CC2D2A: variants seen among roughly 807,000 people sequenced by gnomAD.
The protein encoded by CC2D2A is coiled-coil and C2 domain-containing protein 2A.
In CC2D2A, 155 loss-of-function variants were observed where a neutral mutation model predicts 212.9. That is an observed-to-expected ratio of 0.73 (90% CI 0.64 to 0.83). The LOEUF is 0.83. Among genes scored for constraint, CC2D2A ranks in the 40% least tolerant of loss-of-function variants. The pLI is 0.00. For synonymous variants in CC2D2A, 667 were observed against 686.5 expected, an observed-to-expected ratio of 0.97 and a Z score of 0.44; for missense variants, 1,856 against 1,956.2, an observed-to-expected ratio of 0.95 and a Z score of 0.97.
intron 16 of CC2D2A, 135 bp downstream of exon 16, chr4:15,538,272 C>A: frequency 2.0e-6 from 2 of 975,772 alleles, no homozygotes; most frequent in Non-Finnish European, 1.4e-6. Flanking sequence ...ATCATTAACT[C>A]TAAATGAATA....
intron 6 of CC2D2A, among the ~76,000 whole-genome samples, chr4:15,506,441 A>G (rs182055796): frequency 1.3e-5 from 2 of 152,296 alleles, no homozygotes; most frequent in East Asian, 3.9e-4. Flanking sequence ...TGCCACATGG[A>G]ATTTAACCTA....
intron 7 of CC2D2A, among the ~76,000 whole-genome samples, chr4:15,510,810 A>C (rs572473762): frequency 6.6e-6 from 1 of 152,304 alleles, no homozygotes; most frequent in African/African-American, 2.4e-5. Flanking sequence ...CTTTCATTAT[A>C]GGAAAAAAGG....
At chr4:15,521,877 A>G (rs1419319435) in intron 11 of CC2D2A, among the ~76,000 whole-genome samples, 3 of 152,226 alleles carry the variant, frequency 2.0e-5, no homozygotes, top group Non-Finnish European at 2.9e-5. Flanking sequence ...CACATAATGG[A>G]AAACCAAGTC....
chr4:15,589,653 G>C lies in CC2D2A; in HGVS notation c.4288G>C (p.Val1430Leu). ...TGATACATTCTGTCCCTTGAAAAATGTGGGCTGTTTAATAGGTCCTGACAA... is the reference window on the plus strand; with the variant it reads ...TGATACATTCTGTCCCTTGAAAAATCTGGGCTGTTTAATAGGTCCTGACAA... The part of the protein sequence containing the change: ...QFDTFCPLKN[V>L]GCLIGPDNIW... Residue 1430 changes from valine to leucine, a missense_variant, in exon 33 of 37, where the codon GTG becomes CTG. By Grantham distance (32) the Val-to-Leu change is conservative. Around this residue, in one of 5 missense-constraint regions of CC2D2A, gnomAD observed 285 missense variants for 278.4 expected, o/e 1.02. Coordinates refer to ENST00000424120, the MANE Select transcript of CC2D2A (RefSeq NM_001378615.1). 1 of 1,597,160 alleles carries C rather than the reference G, an allele frequency of 6.3e-7. No homozygotes were observed. Among genetic ancestry groups the C allele is most frequent in the Non-Finnish European group, 8.5e-7 (1 of 1,170,414 alleles).
At chr4:15,584,257 ATAC>A (rs1222082019) in intron 30 of CC2D2A, among the ~76,000 whole-genome samples, 3 of 152,230 alleles carry the variant, frequency 2.0e-5, no homozygotes, top group African/African-American at 7.2e-5. Context: ...TCTTCAAAAT[ATAC>A]TACTGTAGTA....
chr4:15,482,225 A>C, intron 4 of CC2D2A: 1 of 985,240 alleles, frequency 1.0e-6, no homozygotes, highest in Non-Finnish European at 1.2e-6. Flanking sequence ...TGATACAATG[A>C]GAGCTGTTAT....
chr4:15,485,890 T>C (rs972673005), intron 4 of CC2D2A, among the ~76,000 whole-genome samples: 1 of 152,178 alleles, frequency 6.6e-6, no homozygotes, highest in African/African-American at 2.4e-5. Flanking sequence ...GAGGAGTAAT[T>C]TGCAAATATT....
intron 18 of CC2D2A, among the ~76,000 whole-genome samples, chr4:15,551,198 G>A (rs1209032795): frequency 2.6e-5 from 4 of 152,156 alleles, no homozygotes; most frequent in African/African-American, 9.7e-5. Context: ...AAGTAGTTTG[G>A]CAGTGTAAGT....
chr4:15,560,535 G>A lies in CC2D2A; in HGVS notation c.2927G>A (p.Arg976Lys), dbSNP rs1327730952. The change falls in exon 23 of 37, where the codon AGA (arginine) becomes AAA (lysine). Residue 976 changes from arginine (R) to lysine (K), a missense_variant. Transcript: ENST00000424120. ...AIVAKYLQQV[R>K]ESVINRFLIA... ...TAAGCTGATTTCTTTCCCCAGGTTA[G>A]AGAATCAGTGATAAATCGTTTCTTA... 2.7e-6 allele frequency: 4 copies of A among 1,465,908 alleles called. No individual in the cohort carries two copies. In the East Asian group the frequency reaches 7.0e-5, roughly 26 times the overall value. 90.8% of individuals were successfully genotyped at this position (1,465,908 alleles called of 1,614,324 possible).
At chr4:15,537,796 T>C in intron 15 of CC2D2A, 103 bp from the exon 16 acceptor site, 9 of 1,221,392 alleles carry the variant, frequency 7.4e-6, no homozygotes, top group Non-Finnish European at 9.2e-6. Context: ...CTGGTTGAAA[T>C]GGGGCTGGGG....
intron 13 of CC2D2A, 43 bp downstream of exon 13, chr4:15,528,769 G>C: frequency 1.5e-6 from 2 of 1,360,986 alleles, no homozygotes; most frequent in Non-Finnish European, 2.1e-6. Context: ...TTTCCCGTTA[G>C]ATGTGCACTT....
At chr4:15,474,749 G>A (rs1260103148) in intron 1 of CC2D2A, among the ~76,000 whole-genome samples, 1 of 152,062 alleles carries the variant, frequency 6.6e-6, no homozygotes, top group African/African-American at 2.4e-5. Context: ...TAAAAACTTA[G>A]AAAATGTTTT....
chr4:15,566,966 C>A (rs1318904572), intron 24 of CC2D2A, among the ~76,000 whole-genome samples: 1 of 151,914 alleles, frequency 6.6e-6, no homozygotes. Context: ...CAGAGCAAGA[C>A]TCTATCTCAA....
intron 13 of CC2D2A, among the ~76,000 whole-genome samples, chr4:15,532,104 A>G (rs990077147): frequency 3.3e-5 from 5 of 152,240 alleles, no homozygotes; most frequent in African/African-American, 1.2e-4. Flanking sequence ...AGTAGAGCCA[A>G]GATTCAAACC....
At chr4:15,516,555 T>G in intron 10 of CC2D2A, 70 bp from the exon 11 acceptor site, 1 of 1,445,404 alleles carries the variant, frequency 6.9e-7, no homozygotes, top group Non-Finnish European at 9.4e-7. Flanking sequence ...CAAGAAATGT[T>G]GTTTGTGTTG....
rs547389759 is a variant in CC2D2A at position 15,478,818 on chromosome 4, C to A, written c.123+12C>A. 26 of 1,544,704 alleles carry A rather than the reference C, an allele frequency of 1.7e-5. No individual in the cohort carries two copies. In the African/African-American group the frequency reaches 2.3e-4, roughly 14 times the overall value. On this transcript the variant is annotated intron_variant, in intron 3 of 36. Transcript: ENST00000424120. ...CAAGAAAGAAACAGGTAAGAAGTGA[C>A]AAGAAACTGTGTCTGCGTATTGTCA... is the stretch of plus-strand genomic sequence containing the variant.
At chr4:15,529,135 T>C (rs1160982613) in intron 13 of CC2D2A, among the ~76,000 whole-genome samples, 1 of 152,154 alleles carries the variant, frequency 6.6e-6, no homozygotes, top group Non-Finnish European at 1.5e-5. Flanking sequence ...GACTGGACAC[T>C]GTGGCTCATG....
intron 1 of CC2D2A, among the ~76,000 whole-genome samples, chr4:15,470,689 C>CTATATATA (rs199958992): frequency 2.0e-5 from 1 of 50,670 alleles, no homozygotes; most frequent in Non-Finnish European, 3.6e-5. Context: ...CTCTCTCTCT[C>CTATATATA]TATATATATA....
In CC2D2A at chr4:15,482,107, T is replaced by C. The variant is rs978101980; in HGVS notation, c.247+1280T>C. ...TTTAATTGTTACATAATTGTTAGAC[T>C]GTTTTCCCTATGGCAAAGTTGGGAA... On this transcript the variant is annotated intron_variant, in intron 4 of 36. Coordinates refer to ENST00000424120, the MANE Select transcript of CC2D2A (RefSeq NM_001378615.1). 5.1e-6 allele frequency: 5 copies of C among 985,278 alleles called. No homozygotes were observed. The African/African-American group carries it at 7.0e-5, about 14-fold the overall frequency. 61.0% of individuals were successfully genotyped at this position (985,278 alleles called of 1,614,324 possible).
Sources: allele counts gnomAD v4.1 joint callset (sites outside exome capture counted in the v4.1 genomes callset), GRCh38; gene constraint gnomAD v4.1.1; regional missense constraint gnomAD v4.1.1; transcripts MANE v1.5; gene names NCBI Gene and HGNC (gene_info 2026-07-23, HGNC 2026-07-21).